The following PACSIN2 variants were observed in gnomAD, a reference collection of about 807,000 sequenced individuals.
PACSIN2 encodes protein kinase C and casein kinase substrate in neurons protein 2.
A neutral mutation model predicts 63.8 loss-of-function variants in PACSIN2; 25 were observed. That is an observed-to-expected ratio of 0.39 (90% CI 0.29 to 0.55). The LOEUF is 0.55. PACSIN2 is among the 20% of genes least tolerant of loss of function. The pLI is 0.62. For synonymous variants in PACSIN2, 255 were observed against 256.2 expected (o/e 1.00, Z 0.05); for missense variants, 518 against 646.9 (o/e 0.80, Z 2.16).
chr22:42,907,141 G>A (rs951578367), intron 2 of PACSIN2, among the ~76,000 whole-genome samples: 101 of 152,356 alleles, frequency 6.6e-4, no homozygotes, highest in African/African-American at 2.4e-3. Flanking sequence ...GGGAGCCTGG[G>A]GTGGCTCAGC....
intron 5 of PACSIN2, among the ~76,000 whole-genome samples, chr22:42,886,835 T>C (rs963668444): frequency 1.6e-4 from 25 of 152,064 alleles, no homozygotes; most frequent in Admixed American, 2.6e-4. Flanking sequence ...CACTACAAAC[T>C]GTCCCAGTCA....
chr22:42,871,335 C>T lies in PACSIN2; in HGVS notation c.*22G>A. 9.1e-6 allele frequency: 14 copies of T among 1,541,408 alleles called. No homozygotes were observed. The highest frequency in any genetic ancestry group is 1.3e-5 in the Non-Finnish European group (14 of 1,113,744). Reference sequence around the variant, plus strand: ...TCCTGGGCCCGCCGCCTCCGTCCCCCCGCTGGCCTGTCCCCGACTCATCAC... The same window carrying T: ...TCCTGGGCCCGCCGCCTCCGTCCCCTCGCTGGCCTGTCCCCGACTCATCAC... On this transcript the variant is annotated 3_prime_UTR_variant, in exon 11 of 11. Coordinates refer to ENST00000263246, the MANE Select transcript of PACSIN2 (RefSeq NM_001184970.3). The surrounding 1 kb of genome is among the most constrained non-coding windows in gnomAD (Gnocchi z 5.4).
chr22:42,892,244 G>T (rs1444779875), intron 3 of PACSIN2, among the ~76,000 whole-genome samples: 1 of 152,204 alleles, frequency 6.6e-6, no homozygotes, highest in East Asian at 1.9e-4. Context: ...CAGAAATCGA[G>T]AAGATCCATG....
chr22:42,900,125 C>T (rs1930574793), intron 2 of PACSIN2, among the ~76,000 whole-genome samples: 1 of 152,158 alleles, frequency 6.6e-6, no homozygotes, highest in African/African-American at 2.4e-5. Context: ...GCGTGGAGCA[C>T]CAACCCAGTC....
chr22:42,907,607 G>A (rs949297328), intron 2 of PACSIN2, among the ~76,000 whole-genome samples: 1 of 152,270 alleles, frequency 6.6e-6, no homozygotes, highest in Non-Finnish European at 1.5e-5. Flanking sequence ...TGGGGTCGGC[G>A]TGCGTGGAGG....
chr22:42,995,614 C>T (rs534621502), intron 1 of PACSIN2, among the ~76,000 whole-genome samples: 9 of 152,230 alleles, frequency 5.9e-5, no homozygotes, highest in African/African-American at 2.2e-4. Context: ...GTCATTCACG[C>T]GGCAATTATT....
At chr22:43,008,295 G>C (rs1235477912) in intron 1 of PACSIN2, among the ~76,000 whole-genome samples, 1 of 151,966 alleles carries the variant, frequency 6.6e-6, no homozygotes, top group Non-Finnish European at 1.5e-5. Flanking sequence ...CTGTCGCCCA[G>C]GCTGGAGTGC....
Position 43,007,317 on chromosome 22 carries a change from G to T in PACSIN2, c.-78+7704C>A, listed in dbSNP as rs956948678. Among the ~76,000 whole-genome samples, 25 of 151,500 alleles carry T rather than the reference G, an allele frequency of 1.7e-4. No homozygotes were observed. In the South Asian group the frequency reaches 3.5e-3, roughly 21 times the overall value. ...CTGCAATCTCTGCCCCCAGGTTCAA[G>T]CGATTCTCCTGCCTCAGCCTCCCGA... On this transcript the variant is annotated intron_variant, in intron 1 of 10. Coordinates refer to ENST00000263246, the MANE Select transcript of PACSIN2 (RefSeq NM_001184970.3).
chr22:42,952,090 A>G (rs959084417), intron 1 of PACSIN2, among the ~76,000 whole-genome samples: 7 of 151,928 alleles, frequency 4.6e-5, no homozygotes, highest in African/African-American at 1.5e-4. Flanking sequence ...TTAACACTCA[A>G]CCTCACCTGC....
At chr22:42,977,420 T>C (rs1179237090) in intron 1 of PACSIN2, among the ~76,000 whole-genome samples, 1 of 152,184 alleles carries the variant, frequency 6.6e-6, no homozygotes, top group Non-Finnish European at 1.5e-5. Flanking sequence ...GGTGAAATGG[T>C]GCTCAACCTC....
At chr22:42,899,168 A>G (rs1930496950) in intron 2 of PACSIN2, among the ~76,000 whole-genome samples, 1 of 152,336 alleles carries the variant, frequency 6.6e-6, no homozygotes, top group African/African-American at 2.4e-5. Flanking sequence ...ATTGCTTTCC[A>G]CAGGGTCTAC....
Position 42,941,954 on chromosome 22 carries a change from T to C in PACSIN2, c.-77-29797A>G, listed in dbSNP as rs151264919. Among the ~76,000 whole-genome samples, 1,400 of 152,280 alleles carry C rather than the reference T, an allele frequency of 9.2e-3. 14 individuals carry two copies. Among genetic ancestry groups the C allele is most frequent in the Non-Finnish European group, 0.015 (1,045 of 68,010 alleles). ...AACACGCCCAGCTAATTTTTGTATT[T>C]TTAGTAGAGACAGGGTTTCACCATG... On this transcript the variant is annotated intron_variant, in intron 1 of 10. Transcript: ENST00000263246.
intron 1 of PACSIN2, among the ~76,000 whole-genome samples, chr22:42,952,632 T>C (rs112288599): frequency 0.06 from 9,100 of 151,706 alleles, 904 homozygotes; most frequent in African/African-American, 0.21. Context: ...GCTGGGATTA[T>C]AGACGTTGAG....
chr22:42,935,199 A>G (rs1033945584), intron 1 of PACSIN2, among the ~76,000 whole-genome samples: 2 of 151,402 alleles, frequency 1.3e-5, no homozygotes, highest in African/African-American at 4.9e-5. Flanking sequence ...TGCTGGGATT[A>G]TAGGCGTGAG....
chr22:42,951,753 A>T (rs996872515), intron 1 of PACSIN2, among the ~76,000 whole-genome samples: 1 of 152,146 alleles, frequency 6.6e-6, no homozygotes, highest in Admixed American at 6.5e-5. Context: ...AATCTTGCCA[A>T]CAGCTATTGT....
At chr22:42,873,277 T>C (rs1461069615) in intron 10 of PACSIN2, among the ~76,000 whole-genome samples, 3 of 151,934 alleles carry the variant, frequency 2.0e-5, no homozygotes, top group Non-Finnish European at 4.4e-5. Flanking sequence ...GAAAAGGAGT[T>C]AGAAATTATA....
At chr22:42,887,008 T>C (rs1297986840) in intron 5 of PACSIN2, among the ~76,000 whole-genome samples, 1 of 152,180 alleles carries the variant, frequency 6.6e-6, no homozygotes, top group Non-Finnish European at 1.5e-5. Context: ...AGAAGCCCCA[T>C]CTTTCCTCTA....
chr22:42,923,333 T>C (rs552732342), intron 1 of PACSIN2, among the ~76,000 whole-genome samples: 3 of 152,324 alleles, frequency 2.0e-5, no homozygotes, highest in Admixed American at 6.5e-5. Context: ...TTAAGTCCCT[T>C]GTGCAGAGTA....
chr22:42,929,080 G>A (rs1032917359), intron 1 of PACSIN2, among the ~76,000 whole-genome samples: 1 of 152,240 alleles, frequency 6.6e-6, no homozygotes, highest in Non-Finnish European at 1.5e-5. Flanking sequence ...TATGTGCAGT[G>A]AGCATGGCTG....
Sources: allele counts gnomAD v4.1 joint callset (sites outside exome capture counted in the v4.1 genomes callset), GRCh38; gene constraint gnomAD v4.1.1; non-coding constraint Gnocchi (gnomAD v3.1); transcripts MANE v1.5; gene names NCBI Gene and HGNC (gene_info 2026-07-23, HGNC 2026-07-21).